PPM1L: variants seen among roughly 807,000 people sequenced by gnomAD.
The protein encoded by PPM1L is protein phosphatase 1L.
In PPM1L, 13 loss-of-function variants were observed where a neutral mutation model predicts 31.4. That is an observed-to-expected ratio of 0.41 (90% CI 0.27 to 0.66). The LOEUF is 0.66. PPM1L is among the 30% of genes least tolerant of loss of function. PPM1L has a pLI of 0.29. For missense variants in PPM1L, 326 were observed against 453.7 expected (o/e 0.72, Z 2.56); for synonymous variants, 184 against 175.4 (o/e 1.05, Z -0.39).
intron 1 of PPM1L, among the ~76,000 whole-genome samples, chr3:160,837,290 T>G (rs1309624462): frequency 6.6e-6 from 1 of 152,124 alleles, no homozygotes. Flanking sequence ...GTCTACTGGT[T>G]GAATGGTAAG....
intron 1 of PPM1L, among the ~76,000 whole-genome samples, chr3:160,849,341 C>G (rs1003937093): frequency 1.3e-5 from 2 of 152,154 alleles, no homozygotes; most frequent in East Asian, 3.8e-4. Flanking sequence ...TCAGCATTCC[C>G]TGCATCCAAG....
intron 1 of PPM1L, among the ~76,000 whole-genome samples, chr3:160,861,159 C>G (rs1166989254): frequency 3.9e-5 from 6 of 152,156 alleles, no homozygotes; most frequent in Non-Finnish European, 8.8e-5. Context: ...TTTGCTGACT[C>G]CAAGGCCAGT....
intron 1 of PPM1L, among the ~76,000 whole-genome samples, chr3:160,806,929 GGAAAGAAA>G (rs72064577): frequency 6.7e-6 from 1 of 148,246 alleles, no homozygotes; most frequent in Non-Finnish European, 1.5e-5. Context: ...AGAAAGAGAG[GGAAAGAAA>G]GAAAGAAAGA....
In PPM1L at chr3:160,756,617, C is replaced by T. The variant is rs759827550; in HGVS notation, c.309C>T (p.Asp103=). The T allele has an allele frequency of 2.5e-6, 4 of 1,614,148 alleles. No homozygotes were observed. The highest frequency in any genetic ancestry group is 3.4e-6 in the Non-Finnish European group (4 of 1,180,016). Residue 103 remains aspartate (D), a synonymous_variant, in exon 1 of 4, where the codon GAC becomes GAT. Transcript: ENST00000498165. This position sits in a 1 kb window ranked among gnomAD's most constrained non-coding sequence, Gnocchi z 6.2. ...TGTACTCCATCCAGGGCCGGAGAGA[C>T]CACATGGAGGACCGCTTCGAAGTTC... ...VAVYSIQGRR[D]HMEDRFEVLT... is the part of the protein sequence containing the mutation.
At chr3:160,823,361 A>T (rs1437421422) in intron 1 of PPM1L, among the ~76,000 whole-genome samples, 1 of 144,950 alleles carries the variant, frequency 6.9e-6, no homozygotes, top group Non-Finnish European at 1.5e-5. Flanking sequence ...GTGCAAATGT[A>T]TAAATGATTT....
chr3:161,033,224 C>T (rs1305373185), intron 2 of PPM1L, among the ~76,000 whole-genome samples: 1 of 152,100 alleles, frequency 6.6e-6, no homozygotes, highest in Non-Finnish European at 1.5e-5. Context: ...GTTTCATGCT[C>T]ATGGATAGGA....
At chr3:160,865,129 C>A (rs1712044244) in intron 1 of PPM1L, among the ~76,000 whole-genome samples, 1 of 152,112 alleles carries the variant, frequency 6.6e-6, no homozygotes, top group African/African-American at 2.4e-5. Flanking sequence ...AAACAGAGAG[C>A]TCAGGCATTC....
intron 2 of PPM1L, among the ~76,000 whole-genome samples, chr3:161,016,133 T>C (rs1718081821): frequency 1.3e-5 from 2 of 152,328 alleles, no homozygotes; most frequent in South Asian, 4.1e-4. Context: ...CAAGGTTTCA[T>C]GCAAAGTGGA....
chr3:160,967,096 G>T (rs1177251406), intron 2 of PPM1L, among the ~76,000 whole-genome samples: 1 of 151,768 alleles, frequency 6.6e-6, no homozygotes, highest in Non-Finnish European at 1.5e-5. Flanking sequence ...CTGTTTTTGT[G>T]GTAGTGAATA....
intron 2 of PPM1L, among the ~76,000 whole-genome samples, chr3:161,046,731 T>C (rs1217572644): frequency 2.0e-5 from 3 of 152,082 alleles, no homozygotes; most frequent in Non-Finnish European, 2.9e-5. Flanking sequence ...CATCAAAAAG[T>C]TTATCCACCA....
intron 1 of PPM1L, among the ~76,000 whole-genome samples, chr3:160,942,628 A>G (rs1576729566): frequency 6.6e-6 from 1 of 152,326 alleles, no homozygotes; most frequent in East Asian, 1.9e-4. Context: ...CATTGTAAAA[A>G]GTGCTAAAGA....
At chr3:161,005,563 G>A (rs2108057222) in intron 2 of PPM1L, among the ~76,000 whole-genome samples, 1 of 152,244 alleles carries the variant, frequency 6.6e-6, no homozygotes, top group South Asian at 2.1e-4. Flanking sequence ...AACCAGCCTT[G>A]CCTGCGTTTA....
intron 1 of PPM1L, among the ~76,000 whole-genome samples, chr3:160,955,551 C>T (rs1222080059): frequency 4.0e-5 from 6 of 151,800 alleles, no homozygotes; most frequent in Admixed American, 2.6e-4. Context: ...ATTAAAATTG[C>T]AGTTTCCTTT....
intron 1 of PPM1L, among the ~76,000 whole-genome samples, chr3:160,870,963 A>C (rs1247345230): frequency 1.3e-5 from 2 of 152,178 alleles, no homozygotes; most frequent in Non-Finnish European, 2.9e-5. Context: ...TCTATTGAGC[A>C]CATCTCTGTA....
At chr3:160,958,489 T>A (rs1715853012) in intron 1 of PPM1L, among the ~76,000 whole-genome samples, 1 of 152,180 alleles carries the variant, frequency 6.6e-6, no homozygotes, top group Non-Finnish European at 1.5e-5. Context: ...AGGAAAAAAA[T>A]TAATGACAGA....
intron 1 of PPM1L, among the ~76,000 whole-genome samples, chr3:160,924,744 T>C (rs1274908002): frequency 6.6e-6 from 1 of 152,196 alleles, no homozygotes; most frequent in East Asian, 1.9e-4. Context: ...GAGAAAAATC[T>C]CCAGAGTAAA....
chr3:161,020,629 A>C (rs1253347396), intron 2 of PPM1L, among the ~76,000 whole-genome samples: 1 of 152,198 alleles, frequency 6.6e-6, no homozygotes, highest in African/African-American at 2.4e-5. Flanking sequence ...GTTGGCATTA[A>C]TTCTTCATTG....
At chr3:160,936,199 C>T (rs565375289) in intron 1 of PPM1L, among the ~76,000 whole-genome samples, 42 of 152,298 alleles carry the variant, frequency 2.8e-4, no homozygotes, top group Middle Eastern at 6.8e-3. Flanking sequence ...AAGCGATTCT[C>T]CTGCCTCAGC....
intron 2 of PPM1L, among the ~76,000 whole-genome samples, chr3:161,046,231 A>T (rs1338594431): frequency 6.6e-6 from 1 of 152,056 alleles, no homozygotes; most frequent in Non-Finnish European, 1.5e-5. Flanking sequence ...AAGCAAATAG[A>T]CACAATAAAA....
Sources: allele counts gnomAD v4.1 joint callset (sites outside exome capture counted in the v4.1 genomes callset), GRCh38; gene constraint gnomAD v4.1.1; non-coding constraint Gnocchi (gnomAD v3.1); transcripts MANE v1.5; gene names NCBI Gene and HGNC (gene_info 2026-07-23, HGNC 2026-07-21).